Variants in ILDR1 observed in about 807,000 individuals in gnomAD.
ILDR1 encodes immunoglobulin like domain containing receptor 1.
A neutral mutation model predicts 62.4 loss-of-function variants in ILDR1; 56 were observed. The observed-to-expected ratio is 0.90, with a 90% CI of 0.72 to 1.12. ILDR1 has a LOEUF of 1.12. ILDR1 is among the 50% of genes most tolerant of loss of function. ILDR1 has a pLI of 0.00. For missense variants in ILDR1, 736 were observed against 710.6 expected (o/e 1.04, Z -0.41); for synonymous variants, 284 against 277.8 (o/e 1.02, Z -0.22).
At chr3:122,000,460 T>G (rs970821080) in intron 5 of ILDR1, among the ~76,000 whole-genome samples, 1 of 152,238 alleles carries the variant, frequency 6.6e-6, no homozygotes, top group Non-Finnish European at 1.5e-5. Context: ...GTGGCACACC[T>G]GGAGAGGACA....
intron 1 of ILDR1, among the ~76,000 whole-genome samples, chr3:122,017,451 C>T (rs2071792916): frequency 6.6e-6 from 1 of 152,220 alleles, no homozygotes; most frequent in South Asian, 2.1e-4. Flanking sequence ...AGACTGTACA[C>T]TAATCACCCA....
chr3:122,031,434 C>G, the ILDR1 span, among the ~76,000 whole-genome samples: 1 of 152,194 alleles, frequency 6.6e-6, no homozygotes, highest in East Asian at 1.9e-4. Context: ...CCACCAAAGT[C>G]TACCACAACT....
At chr3:122,056,673 AGTAACTTT>A in the ILDR1 span, among the ~76,000 whole-genome samples, 2 of 152,208 alleles carry the variant, frequency 1.3e-5, no homozygotes, top group African/African-American at 4.8e-5. Flanking sequence ...TGAAAATCGA[AGTAACTTT>A]CATCTACCCA....
rs759223079 is a variant in ILDR1 at position 122,007,166 on chromosome 3, A to G, written c.59-5T>C. 1.9e-5 allele frequency: 30 copies of G among 1,614,062 alleles called. No individual in the cohort carries two copies. The highest frequency in any genetic ancestry group is 2.3e-5 in the Non-Finnish European group (27 of 1,180,030). On this transcript the variant is annotated splice_region_variant and splice_polypyrimidine_tract_variant and intron_variant, in intron 1 of 7. Transcript: ENST00000344209. Reference sequence around the variant, plus strand: ...TCACAAGCAAGGACAGGCACCCTAAAGCCAAGAGCAGGAGAAAATGCTGAA... The same window carrying G: ...TCACAAGCAAGGACAGGCACCCTAAGGCCAAGAGCAGGAGAAAATGCTGAA...
the ILDR1 span, among the ~76,000 whole-genome samples, chr3:122,050,635 C>A: frequency 5.9e-5 from 1 of 16,860 alleles, no homozygotes; most frequent in Non-Finnish European, 3.6e-4. Context: ...TACTTCTATG[C>A]TTTTGTTTTT....
In ILDR1 at chr3:121,993,803, T is replaced by A. The variant is rs759699080; in HGVS notation, c.946A>T (p.Met316Leu). ...ACCTCAGAGCCCAGGGAGGACAGCA[T>A]GCTGCAGGGATGGCCAAATCTGCCT... ...LKGRFGHPCS[M>L]LSSLGSEVVE... Residue 316 changes from methionine (M) to leucine (L), a missense_variant, in exon 7 of 8, where the codon ATG (methionine) becomes TTG (leucine). Coordinates refer to ENST00000344209, the MANE Select transcript of ILDR1 (RefSeq NM_001199799.2). The A allele has an allele frequency of 8.1e-6, 13 of 1,613,978 alleles. No homozygotes were observed. The highest frequency in any genetic ancestry group is 6.7e-5 in the Admixed American group (4 of 60,002).
the ILDR1 span, among the ~76,000 whole-genome samples, chr3:122,056,849 T>C: frequency 6.6e-6 from 1 of 152,260 alleles, no homozygotes; most frequent in Admixed American, 6.5e-5. Flanking sequence ...TGTGGTACCA[T>C]AGAGGGGATA....
the ILDR1 span, among the ~76,000 whole-genome samples, chr3:122,039,148 A>G: frequency 6.6e-6 from 1 of 152,044 alleles, no homozygotes; most frequent in Non-Finnish European, 1.5e-5. Flanking sequence ...GAAATTTAAG[A>G]GGATCAGAGA....
the ILDR1 span, among the ~76,000 whole-genome samples, chr3:122,042,422 G>A: frequency 1.1e-5 from 1 of 90,302 alleles, no homozygotes; most frequent in Non-Finnish European, 2.2e-5. Flanking sequence ...AGTCCTTTGG[G>A]TATATACCCA....
Position 122,022,183 on chromosome 3 carries a change from G to A in ILDR1, c.-106C>T, listed in dbSNP as rs1266174040. 4.3e-5 allele frequency: 43 copies of A among 1,006,912 alleles called. No homozygotes were observed. Among genetic ancestry groups the A allele is most frequent in the Non-Finnish European group, 5.4e-5 (37 of 681,410 alleles). The allele number at this position is 1,006,912 out of a possible 1,614,324, so 62.4% of individuals were successfully genotyped here. On this transcript the variant is annotated 5_prime_UTR_variant, in exon 1 of 8. Coordinates refer to ENST00000344209, the MANE Select transcript of ILDR1 (RefSeq NM_001199799.2). ...ACCACCTTCTCCAAGGAACCCCTCG[G>A]GTTTCCCCTCCCTCGGCGCAGCGGG...
chr3:121,987,334 A>G lies in ILDR1; in HGVS notation c.*1033T>C, dbSNP rs2071266168. On this transcript the variant is annotated 3_prime_UTR_variant, in exon 8 of 8. Coordinates refer to ENST00000344209, the MANE Select transcript of ILDR1 (RefSeq NM_001199799.2). ...CAAATGCACCAAAGTAGGAAAGCAG[A>G]TATTTATTTGGAGCAGCATGCTCAG... is the stretch of plus-strand genomic sequence containing the variant. 6.6e-6 allele frequency: 1 copy of G among 151,984 alleles called. No individual in the cohort carries two copies. Among genetic ancestry groups the G allele is most frequent in the Admixed American group, 6.6e-5 (1 of 15,258 alleles). The allele number at this position is 151,984 out of a possible 1,614,324, so 9.4% of individuals were successfully genotyped here.
At chr3:122,039,830 C>A in the ILDR1 span, among the ~76,000 whole-genome samples, 1 of 151,826 alleles carries the variant, frequency 6.6e-6, no homozygotes, top group Non-Finnish European at 1.5e-5. Flanking sequence ...GTGTTTATAA[C>A]ATGGGTAAAA....
At chr3:122,045,505 G>A in the ILDR1 span, among the ~76,000 whole-genome samples, 42 of 152,046 alleles carry the variant, frequency 2.8e-4, no homozygotes, top group Admixed American at 1.4e-3. Flanking sequence ...TCTGTCTAAT[G>A]TTGACAGTGG....
the ILDR1 span, among the ~76,000 whole-genome samples, chr3:122,054,589 T>C: frequency 5.9e-5 from 9 of 152,350 alleles, no homozygotes; most frequent in South Asian, 1.9e-3. Context: ...TTTCATTTTG[T>C]TTTTAGCTTT....
chr3:122,009,318 A>G (rs2071667241), intron 1 of ILDR1, among the ~76,000 whole-genome samples: 1 of 80,966 alleles, frequency 1.2e-5, no homozygotes, highest in Non-Finnish European at 2.9e-5. Context: ...TGTAGACTCA[A>G]TTTAAAACAC....
chr3:122,020,573 C>T (rs2071839825), intron 1 of ILDR1, among the ~76,000 whole-genome samples: 1 of 152,102 alleles, frequency 6.6e-6, no homozygotes. Context: ...TACCCAGGGG[C>T]AGTGGTGGGA....
chr3:122,005,292 G>A lies in ILDR1; in HGVS notation c.331C>T (p.Pro111Ser). The part of the protein sequence containing the change: ...IVAQRRGQNE[P>S]VLGVDYRQRK... ...TGCCGGTAATCTACCCCCAGCACGG[G>A]CTCATTCTGCCCCCGCCGCTGGGCC... Residue 111 changes from proline (P) to serine (S), a missense_variant, in exon 3 of 8, where the codon CCC (proline) becomes TCC (serine). Pro to Ser is a moderately conservative substitution (Grantham distance 74, BLOSUM62 -1). Transcript: ENST00000344209. The A allele has an allele frequency of 6.2e-7, 1 of 1,613,756 alleles. No individual in the cohort carries two copies. Among genetic ancestry groups the A allele is most frequent in the Non-Finnish European group, 8.5e-7 (1 of 1,179,850 alleles).
rs751460510 is a variant in ILDR1, at chr3:121,994,182, C to T, written c.778G>A (p.Asp260Asn). ...ATCCCAAATCTCTGGAAGAGTTTAC[C>T]TCGCTGCAGCAGCGGGTGCATTGGA... ...SYPMHPLLQR[D>N]LSLPSSLPQM... is the part of the protein sequence containing the mutation. Residue 260 changes from aspartate to asparagine, a missense_variant and splice_region_variant, in exon 6 of 8, where the codon GAT becomes AAT. Asp to Asn is a conservative substitution (Grantham distance 23, BLOSUM62 1). Transcript: ENST00000344209. 78 of 1,536,100 alleles carry T rather than the reference C, an allele frequency of 5.1e-5. 2 individuals are homozygous for T. In the South Asian group the frequency reaches 9.2e-4, roughly 18 times the overall value.
chr3:122,012,802 G>C (rs1331742447), intron 1 of ILDR1, among the ~76,000 whole-genome samples: 1 of 152,136 alleles, frequency 6.6e-6, no homozygotes, highest in African/African-American at 2.4e-5. Flanking sequence ...GCATGTAAAA[G>C]CATTTTGAAA....
Sources: allele counts gnomAD v4.1 joint callset (sites outside exome capture counted in the v4.1 genomes callset), GRCh38; gene constraint gnomAD v4.1.1; transcripts MANE v1.5; gene names NCBI Gene and HGNC (gene_info 2026-07-23, HGNC 2026-07-21).